The following ALPL variants were observed in gnomAD, a reference collection of about 807,000 sequenced individuals.
ALPL encodes the protein alkaline phosphatase, tissue-nonspecific isozyme.
ALPL carries 42 observed loss-of-function variants against 51.3 expected under a neutral mutation model. The observed-to-expected ratio is 0.82, with a 90% confidence interval of 0.64 to 1.06. The LOEUF is 1.06. Ranked by LOEUF, ALPL falls within the 50% of genes least tolerant of loss-of-function variation. The probability of loss-of-function intolerance (pLI) is 0.00; values close to 1 mark genes in which losing one functional copy is unlikely to be tolerated. For missense variants in ALPL, 589 were observed against 709.4 expected (o/e 0.83, Z 1.93); for synonymous variants, 279 against 296.4 (o/e 0.94, Z 0.60).
intron 1 of ALPL, chr1:21,551,483 A>G (rs1298018541): frequency 6.6e-6 from 1 of 152,086 alleles, no homozygotes; most frequent in East Asian, 1.9e-4. Flanking sequence ...AGTATTTCGT[A>G]TTCAGTTAAT....
chr1:21,552,084 C>CTCCCT (rs1173257576), intron 1 of ALPL, among the ~76,000 whole-genome samples: 2 of 83,668 alleles, frequency 2.4e-5, no homozygotes, highest in African/African-American at 4.1e-5. Context: ...GTTTCTTTTT[C>CTCCCT]TCCCTTCCCT....
Position 21,573,689 on chromosome 1 carries a change from A to T in ALPL, c.887A>T (p.Gln296Leu), listed in dbSNP as rs747637927. The T allele has an allele frequency of 1.2e-6, 2 of 1,614,022 alleles. No homozygotes were observed. Among genetic ancestry groups the T allele is most frequent in the Non-Finnish European group, 1.7e-6 (2 of 1,179,976 alleles). The change falls in exon 9 of 12, where the codon CAG (glutamine) becomes CTG (leucine). Residue 296 changes from glutamine (Q) to leucine (L), a missense_variant. Coordinates refer to ENST00000374840, the MANE Select transcript of ALPL (RefSeq NM_000478.6). ...LLGLFEPGDMQYELNRNNVTD... is the reference protein window; with the variant it reads ...LLGLFEPGDMLYELNRNNVTD... ...GGTCTCTTCGAGCCAGGGGACATGC[A>T]GTACGAGCTGAACAGGAACAACGTG... is the stretch of plus-strand genomic sequence containing the variant.
intron 2 of ALPL, 24 bp downstream of exon 2, chr1:21,554,166 G>A (rs766109162): frequency 2.4e-5 from 38 of 1,612,198 alleles, no homozygotes; most frequent in Non-Finnish European, 3.1e-5. Flanking sequence ...CACAGGTGGA[G>A]GCATAAAAAG....
In ALPL at chr1:21,570,324, A is replaced by G; in HGVS notation, c.812A>G (p.Asn271Ser). 1 of 1,614,072 alleles carries G rather than the reference A, an allele frequency of 6.2e-7. No individual in the cohort carries two copies. The highest frequency in any genetic ancestry group is 8.5e-7 in the Non-Finnish European group (1 of 1,180,012). ...PRYKHSHFIWNRTELLTLDPH... is the reference protein window; with the variant it reads ...PRYKHSHFIWSRTELLTLDPH... Reference sequence around the variant, plus strand: ...TCCTAGCACTCCCACTTCATCTGGAACCGCACGGAACTCCTGACCCTTGAC... The same window carrying G: ...TCCTAGCACTCCCACTTCATCTGGAGCCGCACGGAACTCCTGACCCTTGAC... The change falls in exon 8 of 12, where the codon AAC becomes AGC. Residue 271 changes from asparagine to serine, a missense_variant. Physicochemically the swap from Asn to Ser is conservative, Grantham distance 46 (BLOSUM62 1). Transcript: ENST00000374840.
chr1:21,513,820 T>A (rs1558523808), intron 1 of ALPL, among the ~76,000 whole-genome samples: 1 of 152,230 alleles, frequency 6.6e-6, no homozygotes, highest in South Asian at 2.1e-4. Flanking sequence ...TGTGGCCATA[T>A]GGGGCTATGT....
intron 1 of ALPL, among the ~76,000 whole-genome samples, chr1:21,546,036 G>A (rs1471678847): frequency 6.6e-6 from 1 of 151,742 alleles, no homozygotes; most frequent in Non-Finnish European, 1.5e-5. Flanking sequence ...GGATGGTCTC[G>A]ATTTCCTGAC....
At chr1:21,522,356 G>A (rs1324400635) in intron 1 of ALPL, among the ~76,000 whole-genome samples, 4 of 152,228 alleles carry the variant, frequency 2.6e-5, no homozygotes, top group Non-Finnish European at 5.9e-5. Context: ...TTACAGGCGT[G>A]AGCCACTGCA....
At chr1:21,576,957 C>G (rs1481047063) in intron 11 of ALPL, among the ~76,000 whole-genome samples, 2 of 152,166 alleles carry the variant, frequency 1.3e-5, no homozygotes, top group Non-Finnish European at 2.9e-5. Flanking sequence ...TAGTGCCTGG[C>G]ACAAGTAGGT....
chr1:21,526,519 A>T (rs1643945777), intron 1 of ALPL, among the ~76,000 whole-genome samples: 1 of 152,178 alleles, frequency 6.6e-6, no homozygotes, highest in Non-Finnish European at 1.5e-5. Flanking sequence ...AGTTCTAAGT[A>T]ATTTTAAGTT....
chr1:21,543,050 A>T (rs1644210496), intron 1 of ALPL, among the ~76,000 whole-genome samples: 1 of 152,096 alleles, frequency 6.6e-6, no homozygotes, highest in Admixed American at 6.6e-5. Context: ...GCTACTTGGG[A>T]GGCTGAGGCA....
chr1:21,568,360 T>C, intron 7 of ALPL, 113 bp downstream of exon 7: 1 of 1,442,272 alleles, frequency 6.9e-7, no homozygotes, highest in Non-Finnish European at 9.5e-7. Context: ...CGGAAATCTT[T>C]CCTCCATGGG....
At chr1:21,516,639 C>T (rs906165029) in intron 1 of ALPL, among the ~76,000 whole-genome samples, 5 of 152,286 alleles carry the variant, frequency 3.3e-5, no homozygotes, top group East Asian at 3.9e-4. Context: ...CTGCTTTCTC[C>T]GTAATGCAAA....
chr1:21,529,128 G>C (rs1345978385), intron 1 of ALPL, among the ~76,000 whole-genome samples: 1 of 151,712 alleles, frequency 6.6e-6, no homozygotes, highest in Non-Finnish European at 1.5e-5. Context: ...CCAAAGTCAT[G>C]AAGATATCCT....
intron 10 of ALPL, among the ~76,000 whole-genome samples, chr1:21,576,218 T>TGATGGATGGATGGATGGATG (rs371658562): frequency 2.1e-5 from 3 of 142,402 alleles, no homozygotes; most frequent in African/African-American, 5.1e-5. Context: ...GATGGATGGA[T>TGATGGATGGATGGATGGATG]GATGGATGGA....
intron 1 of ALPL, among the ~76,000 whole-genome samples, chr1:21,552,656 C>T (rs1197132777): frequency 6.6e-6 from 1 of 152,130 alleles, no homozygotes; most frequent in Admixed American, 6.5e-5. Flanking sequence ...AAGCGAACTT[C>T]CTCCAGCCTC....
intron 6 of ALPL, among the ~76,000 whole-genome samples, chr1:21,566,227 C>T (rs1391889318): frequency 6.6e-6 from 1 of 152,178 alleles, no homozygotes; most frequent in Non-Finnish European, 1.5e-5. Context: ...GGGGACTTCC[C>T]TGGGTGACTG....
chr1:21,539,516 G>A (rs997312908), intron 1 of ALPL, among the ~76,000 whole-genome samples: 3 of 152,134 alleles, frequency 2.0e-5, no homozygotes, highest in East Asian at 1.9e-4. Context: ...TCCAAGCTGC[G>A]CCTTGAACAC....
At chr1:21,536,598 A>G (rs1644109050) in intron 1 of ALPL, among the ~76,000 whole-genome samples, 1 of 152,098 alleles carries the variant, frequency 6.6e-6, no homozygotes, top group Admixed American at 6.5e-5. Flanking sequence ...CAGGCTATAC[A>G]AAGTGCCCTT....
chr1:21,578,054 T>G lies in ALPL; in HGVS notation c.*406T>G. On this transcript the variant is annotated 3_prime_UTR_variant, in exon 12 of 12. Transcript: ENST00000374840. The surrounding 1 kb of genome is among the most constrained non-coding windows in gnomAD (Gnocchi z 4.2). Reference sequence around the variant, plus strand: ...CCTGACCCTCCCACTCCCATCTCCTTACCTCTGGAACCCCCCAGGCCCTAC... The same window carrying G: ...CCTGACCCTCCCACTCCCATCTCCTGACCTCTGGAACCCCCCAGGCCCTAC... 7.8e-6 allele frequency: 2 copies of G among 255,714 alleles called. No homozygotes were observed. Among genetic ancestry groups the G allele is most frequent in the East Asian group, 9.6e-5 (1 of 10,440 alleles). 15.8% of individuals were successfully genotyped at this position (255,714 alleles called of 1,614,324 possible). A position where few individuals can be genotyped will look rare whatever the true frequency, so the allele number is the denominator to read the frequency against.
Sources: allele counts gnomAD v4.1 joint callset (sites outside exome capture counted in the v4.1 genomes callset), GRCh38; gene constraint gnomAD v4.1.1; non-coding constraint Gnocchi (gnomAD v3.1); transcripts MANE v1.5; gene names NCBI Gene and HGNC (gene_info 2026-07-23, HGNC 2026-07-21).